Variants in NIBAN2 observed in about 807,000 individuals in gnomAD.
NIBAN2 encodes the protein protein Niban 2.
NIBAN2 carries 36 observed loss-of-function variants against 81.8 expected under a neutral mutation model. That is an observed-to-expected ratio of 0.44 (90% confidence interval 0.34 to 0.58). The LOEUF is 0.58. Among genes scored for constraint, NIBAN2 ranks in the 20% least tolerant of loss-of-function variants. The pLI, the probability that NIBAN2 is intolerant of heterozygous loss-of-function variation, is 0.02. For synonymous variants in NIBAN2, 445 were observed against 441.6 expected (o/e 1.01, Z -0.10); for missense variants, 897 against 1,014.1 (o/e 0.88, Z 1.57).
rs1837284397 is a variant in NIBAN2 at position 127,536,645 on chromosome 9, G to A, written c.56-4867C>T. On this transcript the variant is annotated intron_variant, in intron 1 of 13. Coordinates refer to ENST00000373312, the MANE Select transcript of NIBAN2 (RefSeq NM_022833.4). The surrounding 1 kb of genome is among the most constrained non-coding windows in gnomAD (Gnocchi z 4.0). The stretch of plus-strand genomic sequence containing the variant: ...TGGAGACACCACACGCCACGGATTT[G>A]GGGCAGATGTTGGACAGGGCCTCCA... Among the ~76,000 whole-genome samples, 1 of 152,204 alleles carries A rather than the reference G, an allele frequency of 6.6e-6. No individual in the cohort carries two copies. Among genetic ancestry groups the A allele is most frequent in the Admixed American group, 6.5e-5 (1 of 15,284 alleles).
chr9:127,529,377 G>A (rs1001821826), intron 2 of NIBAN2, among the ~76,000 whole-genome samples: 6 of 152,242 alleles, frequency 3.9e-5, no homozygotes, highest in African/African-American at 1.4e-4. Flanking sequence ...TGTGGCTCAC[G>A]CCCGTAATCC....
chr9:127,562,930 A>C (rs1837797243), intron 1 of NIBAN2, among the ~76,000 whole-genome samples: 1 of 152,216 alleles, frequency 6.6e-6, no homozygotes, highest in African/African-American at 2.4e-5. Flanking sequence ...GTAGTGAAAG[A>C]AGCAAGACAC....
intron 1 of NIBAN2, among the ~76,000 whole-genome samples, chr9:127,578,434 G>C (rs1838034877): frequency 6.6e-6 from 1 of 151,428 alleles, no homozygotes; most frequent in Non-Finnish European, 1.5e-5. Flanking sequence ...GACCGAGGCA[G>C]GTGGATCATC....
At chr9:127,515,235 G>A (rs542968930) in intron 8 of NIBAN2, among the ~76,000 whole-genome samples, 103 of 151,736 alleles carry the variant, frequency 6.8e-4, no homozygotes, top group African/African-American at 2.2e-3. Flanking sequence ...AAAACAGGCC[G>A]GGCGGCCAGG....
intron 8 of NIBAN2, among the ~76,000 whole-genome samples, chr9:127,514,447 AAAAATG>A (rs1378509367): frequency 6.6e-6 from 1 of 152,144 alleles, no homozygotes; most frequent in African/African-American, 2.4e-5. Context: ...CACAAAAATT[AAAAATG>A]AAAATGAAAA....
In NIBAN2 at chr9:127,507,092, C is replaced by G; in HGVS notation, c.1994G>C (p.Ser665Thr). ...GAGCAGGGGGCCGGCTGGTGGGGGG[C>G]TCTCAGGCCGCAGACCTTGGGCCAG... ...GLLAQGLRPE[S>T]PPPAGPLLNG... Residue 665 changes from serine to threonine, a missense_variant, in exon 14 of 14, where the codon AGC becomes ACC. Physicochemically the swap from Ser to Thr is moderately conservative, Grantham distance 58. This residue lies in a region of NIBAN2 where 619 missense variants were observed against 691.0 expected (regional missense o/e 0.90). Transcript: ENST00000373312. The surrounding 1 kb of genome is among the most constrained non-coding windows in gnomAD (Gnocchi z 6.8). 6.3e-7 allele frequency: 1 copy of G among 1,577,730 alleles called. No homozygotes were observed. The highest frequency in any genetic ancestry group is 8.6e-7 in the Non-Finnish European group (1 of 1,162,146).
At position 127,508,068 on chromosome 9, in the gene NIBAN2, G is replaced by T; in HGVS notation, c.1542+25C>A. On this transcript the variant is annotated intron_variant, in intron 12 of 13. Coordinates refer to ENST00000373312, the MANE Select transcript of NIBAN2 (RefSeq NM_022833.4). This position sits in a 1 kb window ranked among gnomAD's most constrained non-coding sequence, Gnocchi z 6.4. ...CATCCCCCAACTTAGGGCCCAAACG[G>T]CTGGAGCAGGTGGGGGCTGCTCACC... 6.2e-7 allele frequency: 1 copy of T among 1,611,836 alleles called. No individual in the cohort carries two copies. The highest frequency in any genetic ancestry group is 2.2e-5 in the East Asian group (1 of 44,868).
intron 8 of NIBAN2, among the ~76,000 whole-genome samples, chr9:127,515,662 C>T (rs775437009): frequency 6.6e-6 from 1 of 151,790 alleles, no homozygotes; most frequent in Non-Finnish European, 1.5e-5. Flanking sequence ...CATGGCAAAA[C>T]CCTGTCTCTA....
At chr9:127,516,142 A>G (rs1179720539) in intron 8 of NIBAN2, among the ~76,000 whole-genome samples, 2 of 84,756 alleles carry the variant, frequency 2.4e-5, no homozygotes, top group African/African-American at 8.4e-5. Context: ...AAAATGAAAT[A>G]AAATAAAATA....
In NIBAN2 at chr9:127,506,340, T is replaced by C; in HGVS notation, c.*505A>G. The C allele has an allele frequency of 6.6e-6, 1 of 152,198 alleles. No homozygotes were observed. The highest frequency in any genetic ancestry group is 1.5e-5 in the Non-Finnish European group (1 of 68,380). The allele number at this position is 152,198 out of a possible 1,614,324, so 9.4% of individuals were successfully genotyped here. ...TGAAGACCCCCTCCTTCCCCTTCCC[T>C]CCAGAACAGTGGGGAAAGCGAGGCT... On this transcript the variant is annotated 3_prime_UTR_variant, in exon 14 of 14. Coordinates refer to ENST00000373312, the MANE Select transcript of NIBAN2 (RefSeq NM_022833.4).
In NIBAN2 at chr9:127,506,702, G is replaced by A. The variant is rs1836602207; in HGVS notation, c.*143C>T. On this transcript the variant is annotated 3_prime_UTR_variant, in exon 14 of 14. Transcript: ENST00000373312. ...TGAACCCAATAAAGTGACTCAGGTGGGCCCGCTCCCTGGCGGTGCCACACA... is the reference window on the plus strand; with the variant it reads ...TGAACCCAATAAAGTGACTCAGGTGAGCCCGCTCCCTGGCGGTGCCACACA... The A allele has an allele frequency of 5.0e-6, 3 of 604,712 alleles. No individual in the cohort carries two copies. Among genetic ancestry groups the A allele is most frequent in the Admixed American group, 3.6e-5 (1 of 28,090 alleles). 37.5% of individuals were successfully genotyped at this position (604,712 alleles called of 1,614,324 possible).
At chr9:127,550,025 G>A (rs542609003) in intron 1 of NIBAN2, among the ~76,000 whole-genome samples, 4 of 152,246 alleles carry the variant, frequency 2.6e-5, no homozygotes, top group South Asian at 2.1e-4. Context: ...CTGCTTCCCC[G>A]GGGGAGTCCC....
chr9:127,544,755 C>T (rs1588175578), intron 1 of NIBAN2, among the ~76,000 whole-genome samples: 1 of 152,220 alleles, frequency 6.6e-6, no homozygotes, highest in Non-Finnish European at 1.5e-5. Context: ...CCACCCGCCT[C>T]GGCCTCCCGA....
At chr9:127,525,272 G>A in intron 3 of NIBAN2, 109 bp from the exon 4 acceptor site, 1 of 664,622 alleles carries the variant, frequency 1.5e-6, no homozygotes, top group Non-Finnish European at 2.6e-6. Context: ...GAGGAGAAGG[G>A]AAAGGAAGAA....
chr9:127,516,990 G>A lies in NIBAN2; in HGVS notation c.840C>T (p.Tyr280=), dbSNP rs1183655577. The A allele has an allele frequency of 5.6e-6, 9 of 1,613,962 alleles. No individual in the cohort carries two copies. The highest frequency in any genetic ancestry group is 3.3e-5 in the South Asian group (3 of 91,080). The change falls in exon 8 of 14, where the codon TAC becomes TAT. Residue 280 remains tyrosine (Y), a synonymous_variant. Transcript: ENST00000373312. ...QISDAVYHMV[Y]EQAKARFEEV... ...CCTCGAAGCGCGCCTTGGCCTGCTC[G>A]TACACCATGTGGTACACGGCGTCCG...
chr9:127,574,998 C>T (rs1417076964), intron 1 of NIBAN2, among the ~76,000 whole-genome samples: 1 of 152,246 alleles, frequency 6.6e-6, no homozygotes, highest in Non-Finnish European at 1.5e-5. Flanking sequence ...CCATGCATTC[C>T]TCACTGGGAG....
intron 1 of NIBAN2, among the ~76,000 whole-genome samples, chr9:127,532,950 G>A (rs1837210762): frequency 6.6e-6 from 1 of 152,074 alleles, no homozygotes; most frequent in Non-Finnish European, 1.5e-5. Context: ...CTGAGGTCAG[G>A]AGTTCGAGAC....
upstream of NIBAN2, among the ~76,000 whole-genome samples, chr9:127,573,310 T>C (rs1837969454): frequency 6.6e-6 from 1 of 151,486 alleles, no homozygotes; most frequent in East Asian, 1.9e-4. Context: ...ACAGAATTTG[T>C]TGTTTTTTTT....
intron 1 of NIBAN2, among the ~76,000 whole-genome samples, chr9:127,539,647 G>A (rs892462958): frequency 6.6e-6 from 1 of 152,136 alleles, no homozygotes; most frequent in East Asian, 1.9e-4. Context: ...AAATCTCAAC[G>A]ACAATCTAAT....
Sources: gnomAD v4.1 joint callset for allele counts (sites outside exome capture counted in the v4.1 genomes callset) on GRCh38, gnomAD v4.1.1 for gene constraint, gnomAD v4.1.1 regional missense constraint, Gnocchi (gnomAD v3.1) non-coding constraint, MANE v1.5 for transcripts, NCBI Gene and HGNC (gene_info 2026-07-23, HGNC 2026-07-21) for gene names.